The following NETO1 variants were observed in gnomAD, a reference collection of about 807,000 sequenced individuals.
The protein encoded by NETO1 is neuropilin and tolloid like 1, also known as neuropilin and tolloid-like protein 1.
In NETO1, 26 loss-of-function variants were observed where a neutral mutation model predicts 61.3. The observed-to-expected ratio is 0.42, with a 90% CI of 0.31 to 0.59. The LOEUF (loss-of-function observed/expected upper bound fraction) is 0.59, where lower values mean the gene tolerates loss of function less well. Among genes scored for constraint, NETO1 ranks in the 20% least tolerant of loss-of-function variants. The probability of loss-of-function intolerance (pLI) is 0.12; values close to 1 mark genes in which losing one functional copy is unlikely to be tolerated. For synonymous variants in NETO1, 225 were observed against 225.8 expected (o/e 1.00, Z 0.03); for missense variants, 531 against 662.8 (o/e 0.80, Z 2.18).
intron 1 of NETO1, chr18:72,866,887 G>A (rs772798320): frequency 1.4e-6 from 1 of 740,622 alleles, no homozygotes. Context: ...GGAGCCCCTA[G>A]AAGAGGAAGA....
At chr18:72,760,020 G>A (rs941331909) in intron 7 of NETO1, among the ~76,000 whole-genome samples, 1 of 152,140 alleles carries the variant, frequency 6.6e-6, no homozygotes, top group Admixed American at 6.5e-5. Context: ...GAACATAGAT[G>A]GAACGATTTG....
chr18:72,846,204 T>C (rs1037019269), intron 4 of NETO1, among the ~76,000 whole-genome samples: 7 of 146,524 alleles, frequency 4.8e-5, no homozygotes, highest in Admixed American at 6.8e-5. Flanking sequence ...AGCCTAGGAG[T>C]TGTCAATAAA....
At chr18:72,826,912 A>G (rs990158658) in intron 4 of NETO1, among the ~76,000 whole-genome samples, 2 of 152,028 alleles carry the variant, frequency 1.3e-5, no homozygotes, top group African/African-American at 4.8e-5. Flanking sequence ...CTGAAGATCA[A>G]CCCATTTCTA....
At chr18:72,866,951 C>G (rs1317488377) in intron 1 of NETO1, 1 of 411,820 alleles carries the variant, frequency 2.4e-6, no homozygotes, top group Non-Finnish European at 4.0e-6. Flanking sequence ...CACCTGCGCC[C>G]TCGCTTGGGC....
intron 6 of NETO1, 82 bp downstream of exon 6, chr18:72,794,035 C>G: frequency 6.4e-7 from 1 of 1,554,426 alleles, no homozygotes; most frequent in Non-Finnish European, 8.9e-7. Flanking sequence ...GTATTAGACA[C>G]GTCCAGTTGC....
At chr18:72,798,708 C>G (rs2072402024) in intron 4 of NETO1, among the ~76,000 whole-genome samples, 2 of 152,154 alleles carry the variant, frequency 1.3e-5, no homozygotes, top group Admixed American at 6.5e-5. Context: ...GAGTAAAAAT[C>G]AAATGTCATC....
chr18:72,796,534 C>A (rs943852107), intron 4 of NETO1, among the ~76,000 whole-genome samples: 2 of 152,024 alleles, frequency 1.3e-5, no homozygotes, highest in African/African-American at 4.8e-5. Context: ...CAGGCTGGAG[C>A]GCAGTGATCT....
chr18:72,810,236 T>C (rs1435194549), intron 4 of NETO1, among the ~76,000 whole-genome samples: 1 of 152,226 alleles, frequency 6.6e-6, no homozygotes, highest in Non-Finnish European at 1.5e-5. Flanking sequence ...TTGTACTTAT[T>C]TTCCCAATTA....
chr18:72,802,426 A>C (rs569942601), intron 4 of NETO1, among the ~76,000 whole-genome samples: 1 of 152,346 alleles, frequency 6.6e-6, no homozygotes, highest in African/African-American at 2.4e-5. Flanking sequence ...CAGCTTAGAC[A>C]AGAAGACAGA....
rs1599199830 is a variant in NETO1 at position 72,865,261 on chromosome 18, T to G, written c.29-20A>C. On this transcript the variant is annotated intron_variant, in intron 1 of 10. Coordinates refer to ENST00000327305, the MANE Select transcript of NETO1 (RefSeq NM_138966.5). ...CTACAACTGAAACAGAAAAGAAAAATTAGAGATAAAATACACTGAAATGAT... is the reference window on the plus strand; with the variant it reads ...CTACAACTGAAACAGAAAAGAAAAAGTAGAGATAAAATACACTGAAATGAT... 2 of 1,586,610 alleles carry G rather than the reference T, an allele frequency of 1.3e-6. No individual in the cohort carries two copies. The highest frequency in any genetic ancestry group is 4.5e-5 in the East Asian group (2 of 44,564).
At chr18:72,799,304 T>C (rs564586457) in intron 4 of NETO1, among the ~76,000 whole-genome samples, 1 of 152,322 alleles carries the variant, frequency 6.6e-6, no homozygotes, top group African/African-American at 2.4e-5. Context: ...GGATGACGAG[T>C]CTACCAGTAC....
chr18:72,756,941 TC>T (rs1190448573), intron 7 of NETO1, among the ~76,000 whole-genome samples: 1 of 152,126 alleles, frequency 6.6e-6, no homozygotes, highest in East Asian at 1.9e-4. Flanking sequence ...TACATTTCTT[TC>T]ATTATTGGAG....
At chr18:72,771,958 G>A (rs2071365947) in intron 7 of NETO1, among the ~76,000 whole-genome samples, 1 of 152,044 alleles carries the variant, frequency 6.6e-6, no homozygotes, top group Non-Finnish European at 1.5e-5. Flanking sequence ...TTTCCTTTGG[G>A]TCTCTGAAGG....
intron 7 of NETO1, among the ~76,000 whole-genome samples, chr18:72,769,248 A>C (rs562089769): frequency 6.6e-6 from 1 of 152,312 alleles, no homozygotes; most frequent in South Asian, 2.1e-4. Context: ...AGAAAGGCCA[A>C]TACTGTATCT....
rs1325618903 is a variant in NETO1, at chr18:72,772,807, C to CTT, written c.868+10870_868+10871insAA. ...TCTCTATATAGTTCTCTCTCTCTCT[C>CTT]TCTCTCTCTCTCTCTCTCTATATAT... On this transcript the variant is annotated intron_variant, in intron 7 of 10. Transcript: ENST00000327305. 1.8e-3 allele frequency among the ~76,000 whole-genome samples: 92 copies of CTT among 51,264 alleles called. 3 individuals carry two copies. The highest frequency in any genetic ancestry group is 2.6e-3 in the Non-Finnish European group (67 of 26,258). 33.6% of individuals were successfully genotyped at this position (51,264 alleles called of 152,430 possible).
intron 7 of NETO1, among the ~76,000 whole-genome samples, chr18:72,756,525 T>G (rs1032556178): frequency 6.6e-6 from 1 of 152,136 alleles, no homozygotes; most frequent in Non-Finnish European, 1.5e-5. Flanking sequence ...CAAAAACACC[T>G]AATAGAAATT....
At chr18:72,821,393 CA>C (rs1237157143) in intron 4 of NETO1, among the ~76,000 whole-genome samples, 1 of 142,870 alleles carries the variant, frequency 7.0e-6, no homozygotes, top group African/African-American at 2.7e-5. Flanking sequence ...AACAAACAAA[CA>C]AAAAAGAAAC....
chr18:72,839,998 G>A (rs1183575898), intron 4 of NETO1, among the ~76,000 whole-genome samples: 2 of 152,206 alleles, frequency 1.3e-5, no homozygotes, highest in Non-Finnish European at 2.9e-5. Flanking sequence ...GATGCTGTTG[G>A]TCAGTTGTTT....
chr18:72,795,344 T>C (rs1056490823), intron 4 of NETO1, among the ~76,000 whole-genome samples: 4 of 152,330 alleles, frequency 2.6e-5, no homozygotes, highest in Middle Eastern at 3.4e-3. Flanking sequence ...CGTGGAATCA[T>C]GCGTTAGCCA....
Sources: gnomAD v4.1 joint callset for allele counts (sites outside exome capture counted in the v4.1 genomes callset) on GRCh38, gnomAD v4.1.1 for gene constraint, MANE v1.5 for transcripts, NCBI Gene and HGNC (gene_info 2026-07-23, HGNC 2026-07-21) for gene names.